The following DNAH1 variants were observed in gnomAD, a reference collection of about 807,000 sequenced individuals.
DNAH1 encodes the protein dynein axonemal heavy chain 1, also known as axonemal beta dynein heavy chain 1.
In DNAH1, 327 loss-of-function variants were observed where a neutral mutation model predicts 484.3. The observed-to-expected ratio is 0.68, with a 90% CI of 0.62 to 0.74. The LOEUF is 0.74. DNAH1 is among the 30% of genes least tolerant of loss of function. The probability of loss-of-function intolerance (pLI) is 0.00; values close to 1 mark genes in which losing one functional copy is unlikely to be tolerated. For missense variants in DNAH1, 5,052 were observed against 5,546.8 expected, an observed-to-expected ratio of 0.91 and a Z score of 2.83; for synonymous variants, 2,192 against 2,191.9, an observed-to-expected ratio of 1.00 and a Z score of 0.00.
chr3:52,358,259 C>G lies in DNAH1; in HGVS notation c.4086+256C>G, dbSNP rs1014702971. 2.0e-5 allele frequency among the ~76,000 whole-genome samples: 3 copies of G among 152,238 alleles called. No homozygotes were observed. The highest frequency in any genetic ancestry group is 7.2e-5 in the African/African-American group (3 of 41,468). On this transcript the variant is annotated intron_variant, in intron 24 of 77. Transcript: ENST00000420323. This position sits in a 1 kb window ranked among gnomAD's most constrained non-coding sequence, Gnocchi z 4.2. ...CTGCAAAACCCATGAGGCCAGAAGC[C>G]TGTGGCCTGCCTTGTCTTCCCTCAT... is the stretch of plus-strand genomic sequence containing the variant.
At position 52,398,148 on chromosome 3, in the gene DNAH1, A is replaced by G. The variant is rs752889275; in HGVS notation, c.12075A>G (p.Val4025=). The change falls in exon 75 of 78, where the codon GTA becomes GTG. Residue 4025 remains valine (V), a synonymous_variant. Coordinates refer to ENST00000420323, the MANE Select transcript of DNAH1 (RefSeq NM_015512.5). ...LYEESMNTVL[V]QEVIRYNRLL... ...AGGAATCAATGAACACAGTACTAGT[A>G]CAAGAGGTCATTAGGTAATCACCCC... is the stretch of plus-strand genomic sequence containing the variant. The G allele has an allele frequency of 3.7e-6, 6 of 1,608,064 alleles. No homozygotes were observed. In the South Asian group the frequency reaches 6.6e-5, roughly 18 times the overall value.
In DNAH1 at chr3:52,361,241, CTG is replaced by C; in HGVS notation, c.4764_4765del (p.Glu1589AspfsTer7). ...GCTGGCCCAGCTGGCACAGGCAAAA[CTG>C]AGACCACCAAAGACCTGGGTAAGGC... is the stretch of plus-strand genomic sequence containing the variant. On this transcript the variant is annotated frameshift_variant, in exon 29 of 78. Coordinates refer to ENST00000420323, the MANE Select transcript of DNAH1 (RefSeq NM_015512.5). LOFTEE classifies it high-confidence loss of function. The surrounding 1 kb of genome is among the most constrained non-coding windows in gnomAD (Gnocchi z 5.6). 6.2e-7 allele frequency: 1 copy of C among 1,613,158 alleles called. No homozygotes were observed. Among genetic ancestry groups the C allele is most frequent in the East Asian group, 2.2e-5 (1 of 44,862 alleles).
upstream of DNAH1, among the ~76,000 whole-genome samples, chr3:52,314,281 T>C (rs141931558): frequency 3.9e-3 from 593 of 152,350 alleles, 5 homozygotes; most frequent in South Asian, 0.023. Context: ...CTGTGGAAGA[T>C]GTCTTTGTCT....
At position 52,355,825 on chromosome 3, in the gene DNAH1, C is replaced by T. The variant is rs1702586093; in HGVS notation, c.3693+770C>T. Among the ~76,000 whole-genome samples, 1 of 152,270 alleles carries T rather than the reference C, an allele frequency of 6.6e-6. No homozygotes were observed. Among genetic ancestry groups the T allele is most frequent in the South Asian group, 2.1e-4 (1 of 4,836 alleles). On this transcript the variant is annotated intron_variant, in intron 21 of 77. Coordinates refer to ENST00000420323, the MANE Select transcript of DNAH1 (RefSeq NM_015512.5). The surrounding 1 kb of genome is among the most constrained non-coding windows in gnomAD (Gnocchi z 4.5). ...GCCCAGCAACAAGCAGCCTTGCCGACTCTCCCTCACCATCCTTCAAGGGGT... is the reference window on the plus strand; with the variant it reads ...GCCCAGCAACAAGCAGCCTTGCCGATTCTCCCTCACCATCCTTCAAGGGGT...
chr3:52,331,407 C>T, intron 7 of DNAH1, 98 bp downstream of exon 7: 1 of 1,353,108 alleles, frequency 7.4e-7, no homozygotes, highest in Non-Finnish European at 1.0e-6. Flanking sequence ...CAGATCAGGT[C>T]TGAATTCTAC....
At chr3:52,365,087 G>T (rs1703018778) in intron 34 of DNAH1, 68 bp downstream of exon 34, 6 of 1,549,504 alleles carry the variant, frequency 3.9e-6, no homozygotes, top group Non-Finnish European at 5.2e-6. Flanking sequence ...AGGTCAGGGG[G>T]ACAGAGACAG....
intron 6 of DNAH1, among the ~76,000 whole-genome samples, chr3:52,330,132 T>C (rs1174795846): frequency 6.6e-6 from 1 of 152,198 alleles, no homozygotes; most frequent in Non-Finnish European, 1.5e-5. Context: ...TAAGCCACTA[T>C]GTATTGCGGC....
At chr3:52,357,511 C>T (rs1702661591) in intron 22 of DNAH1, 103 bp from the exon 23 acceptor site, 3 of 1,426,492 alleles carry the variant, frequency 2.1e-6, no homozygotes, top group African/African-American at 1.4e-5. Flanking sequence ...TTTCCCAGGC[C>T]CCGCTGAGGG....
At position 52,392,990 on chromosome 3, in the gene DNAH1, T is replaced by A. The variant is rs1247452189; in HGVS notation, c.10439T>A (p.Ile3480Asn). ...YQYSLEWFLN[I>N]FLSGIANSER... Reference sequence around the variant, plus strand: ...TACTCCCTTGAGTGGTTTCTCAACATCTTCCTCTCGGGCATCGCCAACTCA... The same window carrying A: ...TACTCCCTTGAGTGGTTTCTCAACAACTTCCTCTCGGGCATCGCCAACTCA... Residue 3480 changes from isoleucine (I) to asparagine (N), a missense_variant, in exon 65 of 78, where the codon ATC becomes AAC. By Grantham distance (149) the Ile-to-Asn change is moderately radical. Around this residue, in one of 4 missense-constraint regions of DNAH1, gnomAD observed 2,929 missense variants for 3,409.4 expected, o/e 0.86. Transcript: ENST00000420323. 6.2e-7 allele frequency: 1 copy of A among 1,613,580 alleles called. No individual in the cohort carries two copies. The highest frequency in any genetic ancestry group is 1.7e-5 in the Admixed American group (1 of 59,984).
In DNAH1 at chr3:52,388,414, A is replaced by G; in HGVS notation, c.9172-4A>G. 1.2e-6 allele frequency: 2 copies of G among 1,609,844 alleles called. No individual in the cohort carries two copies. Among genetic ancestry groups the G allele is most frequent in the Non-Finnish European group, 1.7e-6 (2 of 1,177,904 alleles). On this transcript the variant is annotated splice_polypyrimidine_tract_variant and splice_region_variant and intron_variant, in intron 57 of 77. Coordinates refer to ENST00000420323, the MANE Select transcript of DNAH1 (RefSeq NM_015512.5). ...GAGCTAATCCTGCGCCCTCCGCCCC[A>G]CAGCAAGCCCTGCTGGAGGCCCAGG...
intron 6 of DNAH1, 129 bp from the exon 7 acceptor site, chr3:52,331,019 G>C: frequency 8.5e-7 from 1 of 1,177,752 alleles, no homozygotes; most frequent in South Asian, 1.6e-5. Flanking sequence ...GCAGAGGGGG[G>C]CATCCCAGCG....
intron 67 of DNAH1, 72 bp from the exon 68 acceptor site, chr3:52,394,843 G>A: frequency 6.4e-7 from 1 of 1,572,534 alleles, no homozygotes; most frequent in African/African-American, 1.3e-5. Context: ...CTGTCCGGCT[G>A]GCCGAATCCC....
At chr3:52,371,801 C>A in intron 41 of DNAH1, 145 bp from the exon 42 acceptor site, 5 of 1,208,478 alleles carry the variant, frequency 4.1e-6, no homozygotes, top group Non-Finnish European at 4.6e-6. Flanking sequence ...TTTCCATTTC[C>A]GCCGGAAGCA....
At chr3:52,351,438 G>A (rs1048042998) in intron 16 of DNAH1, among the ~76,000 whole-genome samples, 2 of 152,226 alleles carry the variant, frequency 1.3e-5, no homozygotes, top group African/African-American at 4.8e-5. Flanking sequence ...CTGGCAGACA[G>A]GGCATCTGGG....
At chr3:52,385,778 T>C (rs544028549) in intron 54 of DNAH1, among the ~76,000 whole-genome samples, 3 of 152,350 alleles carry the variant, frequency 2.0e-5, no homozygotes, top group Non-Finnish European at 2.9e-5. Flanking sequence ...GTGTATTCCT[T>C]ATGACAGCTT....
At chr3:52,374,939 A>G (rs1703518130) in intron 44 of DNAH1, 1 of 559,246 alleles carries the variant, frequency 1.8e-6, no homozygotes, top group Non-Finnish European at 3.1e-6. Context: ...AAATGTTTTT[A>G]TAAGATAGGA....
intron 1 of DNAH1, among the ~76,000 whole-genome samples, chr3:52,318,183 C>CT (rs1701020247): frequency 6.6e-6 from 1 of 152,220 alleles, no homozygotes; most frequent in Non-Finnish European, 1.5e-5. Context: ...TCCTGAATAG[C>CT]TGGGATTATA....
At chr3:52,389,755 A>C (rs1704288318) in intron 60 of DNAH1, among the ~76,000 whole-genome samples, 169 bp downstream of exon 60, 1 of 152,204 alleles carries the variant, frequency 6.6e-6, no homozygotes, top group Admixed American at 6.5e-5. Flanking sequence ...CAGGAGGAGA[A>C]AGCTGGGCTG....
rs554290904 is a variant in DNAH1, at chr3:52,326,910, G to C, written c.738+19G>C. The C allele has an allele frequency of 2.5e-5, 41 of 1,608,006 alleles. No individual in the cohort carries two copies. The African/African-American group carries it at 4.3e-4, about 17-fold the overall frequency. On this transcript the variant is annotated intron_variant, in intron 5 of 77. Coordinates refer to ENST00000420323, the MANE Select transcript of DNAH1 (RefSeq NM_015512.5). Reference sequence around the variant, plus strand: ...ACTGAAGGTGAGCCGGGCTTCCACAGATGGTTGAGAGACAGGGGCAGAAGT... The same window carrying C: ...ACTGAAGGTGAGCCGGGCTTCCACACATGGTTGAGAGACAGGGGCAGAAGT...
Sources: gnomAD v4.1 joint callset for allele counts (sites outside exome capture counted in the v4.1 genomes callset) on GRCh38, gnomAD v4.1.1 for gene constraint, gnomAD v4.1.1 regional missense constraint, Gnocchi (gnomAD v3.1) non-coding constraint, MANE v1.5 for transcripts, NCBI Gene and HGNC (gene_info 2026-07-23, HGNC 2026-07-21) for gene names.